Variants in GOLGB1 observed in about 807,000 individuals in gnomAD.
The protein encoded by GOLGB1 is golgin B1, also known as golgin subfamily B member 1.
A neutral mutation model predicts 336.9 loss-of-function variants in GOLGB1; 174 were observed. The ratio of observed to expected loss-of-function variants is 0.52; its 90% CI spans 0.46 to 0.59. The LOEUF is 0.59. GOLGB1 is among the 20% of genes least tolerant of loss of function. The probability of loss-of-function intolerance (pLI) is 0.00; values close to 1 mark genes in which losing one functional copy is unlikely to be tolerated. For synonymous variants in GOLGB1, 1,208 were observed against 1,289.2 expected (o/e 0.94, Z 1.35); for missense variants, 3,331 against 3,645.3 (o/e 0.91, Z 2.22).
Position 121,668,076 on chromosome 3 carries a change from C to T in GOLGB1, c.9404G>A (p.Arg3135Lys), listed in dbSNP as rs765160103. 6.3e-7 allele frequency: 1 copy of T among 1,597,382 alleles called. No homozygotes were observed. Among genetic ancestry groups the T allele is most frequent in the Non-Finnish European group, 8.6e-7 (1 of 1,168,702 alleles). Residue 3135 changes from arginine (R) to lysine (K), a missense_variant, in exon 19 of 22, where the codon AGG (arginine) becomes AAG (lysine). Coordinates refer to ENST00000614479, the MANE Select transcript of GOLGB1 (RefSeq NM_001366282.2). ...ACTCCCCTACCTTTGCTGCGGTTCC[C>T]TTAGTTCCTCAGGGTCACTCTTTCT... ...VHRKSDPEEL[R>K]EPQQSFSEAQ...
chr3:121,690,103 C>T (rs1942271047), intron 14 of GOLGB1, among the ~76,000 whole-genome samples: 2 of 152,206 alleles, frequency 1.3e-5, no homozygotes, highest in African/African-American at 4.8e-5. Flanking sequence ...ATGGTTCAGC[C>T]TGCAAATAAA....
chr3:121,693,935 A>G lies in GOLGB1; in HGVS notation c.6588T>C (p.Thr2196=), dbSNP rs748658451. The G allele has an allele frequency of 1.7e-5, 28 of 1,613,872 alleles. No individual in the cohort carries two copies. Among genetic ancestry groups the G allele is most frequent in the African/African-American group, 2.7e-5 (2 of 74,926 alleles). Residue 2196 remains threonine, a synonymous_variant, in exon 13 of 22, where the codon ACT becomes ACC. Transcript: ENST00000614479. ...DSTVTQLAAF[T]KSMSSLQDDR... ...CATCCTGGAGGGAAGACATGCTCTT[A>G]GTAAAGGCTGCAAGCTGGGTCACAG...
In GOLGB1 at chr3:121,712,125, T is replaced by G. The variant is rs148321402; in HGVS notation, c.1404+2736A>C. 6.0e-3 allele frequency among the ~76,000 whole-genome samples: 917 copies of G among 152,256 alleles called. 6 individuals carry two copies. The highest frequency in any genetic ancestry group is 0.01 in the Non-Finnish European group (699 of 68,002). ...ACTGGCATAGGGACTGACAGATAGA[T>G]CAATATAACAGAACAGAAAATTCAG... On this transcript the variant is annotated intron_variant, in intron 10 of 21. Coordinates refer to ENST00000614479, the MANE Select transcript of GOLGB1 (RefSeq NM_001366282.2).
In GOLGB1 at chr3:121,696,528, GAACT is replaced by G; in HGVS notation, c.3991_3994del (p.Ser1331LeufsTer20). The stretch of plus-strand genomic sequence containing the variant: ...TTTTTTAGTAAGCTCACTTGTTGTA[GAACT>G]AACTTTCAATTCTAACTCTACTTTC... On this transcript the variant is annotated frameshift_variant, in exon 13 of 22. Transcript: ENST00000614479. LOFTEE classifies it high-confidence loss of function. 3 of 1,614,108 alleles carry G rather than the reference GAACT, an allele frequency of 1.9e-6. No homozygotes were observed. The highest frequency in any genetic ancestry group is 1.6e-4 in the Middle Eastern group (1 of 6,062).
chr3:121,740,831 T>G (rs2108389368), intron 1 of GOLGB1, among the ~76,000 whole-genome samples: 1 of 152,196 alleles, frequency 6.6e-6, no homozygotes, highest in South Asian at 2.1e-4. Flanking sequence ...AATATTTATT[T>G]GAAAATTTTT....
rs746649684 is a variant in GOLGB1 at position 121,683,053 on chromosome 3, A to ATTTTT, written c.8695-1193_8695-1189dup. 4.7e-4 allele frequency among the ~76,000 whole-genome samples: 39 copies of ATTTTT among 82,496 alleles called. 5 individuals are homozygous for ATTTTT. Among genetic ancestry groups the ATTTTT allele is most frequent in the African/African-American group, 8.9e-4 (19 of 21,338 alleles). The allele number at this position is 82,496 out of a possible 152,430, so 54.1% of individuals were successfully genotyped here. On this transcript the variant is annotated intron_variant, in intron 14 of 21. Coordinates refer to ENST00000614479, the MANE Select transcript of GOLGB1 (RefSeq NM_001366282.2). ...GCTGCTTAAGAAGCAATTTCTTTTA[A>ATTTTT]TTTTTTTTTTTTTTTTTTTTTTTTT...
In GOLGB1 at chr3:121,727,021, C is replaced by T; in HGVS notation, c.423G>A (p.Glu141=). ...TTATCTTTTCTATTTCCATCTCTTC[C>T]TCTGTAGAACTCTTGTCATGCTGAA... ...QLSKHDKSST[E]EEMEIEKIKH... is the part of the protein sequence containing the mutation. The change falls in exon 5 of 22, where the codon GAG becomes GAA. Residue 141 remains glutamate (E), a synonymous_variant. Transcript: ENST00000614479. 2 of 1,577,818 alleles carry T rather than the reference C, an allele frequency of 1.3e-6. No individual in the cohort carries two copies. The highest frequency in any genetic ancestry group is 1.7e-6 in the Non-Finnish European group (2 of 1,154,142).
chr3:121,691,793 A>T lies in GOLGB1; in HGVS notation c.7571T>A (p.Met2524Lys), dbSNP rs147623356. ...KEEIRGLRSH[M>K]DDLNSENAKL... Reference sequence around the variant, plus strand: ...GGCATTCTCAGAATTGAGATCATCCATATGACTTCTCAAGCCTCGTATTTC... The same window carrying T: ...GGCATTCTCAGAATTGAGATCATCCTTATGACTTCTCAAGCCTCGTATTTC... Residue 2524 changes from methionine to lysine, a missense_variant, in exon 14 of 22, where the codon ATG becomes AAG. Coordinates refer to ENST00000614479, the MANE Select transcript of GOLGB1 (RefSeq NM_001366282.2). 3 of 1,613,840 alleles carry T rather than the reference A, an allele frequency of 1.9e-6. No homozygotes were observed. The highest frequency in any genetic ancestry group is 2.7e-5 in the African/African-American group (2 of 74,932).
rs1291812492 is a variant in GOLGB1, at chr3:121,696,659, G to A, written c.3864C>T (p.Asn1288=). 7.4e-6 allele frequency: 12 copies of A among 1,614,160 alleles called. No homozygotes were observed. The highest frequency in any genetic ancestry group is 1.0e-5 in the Non-Finnish European group (12 of 1,180,026). ...AATGAGAAGGCCAGTCTGGGCACAA[G>A]TTGGACTCTAAAACAGGTTGAGTGT... ...QHHTQPVLES[N]LCPDWPSHSE... The change falls in exon 13 of 22, where the codon AAC becomes AAT. Residue 1288 remains asparagine, a synonymous_variant. Transcript: ENST00000614479.
In GOLGB1 at chr3:121,694,230, C is replaced by T. The variant is rs1166428630; in HGVS notation, c.6293G>A (p.Arg2098Lys). The change falls in exon 13 of 22, where the codon AGG (arginine) becomes AAG (lysine). Residue 2098 changes from arginine (R) to lysine (K), a missense_variant. Physicochemically the swap from Arg to Lys is conservative, Grantham distance 26. Coordinates refer to ENST00000614479, the MANE Select transcript of GOLGB1 (RefSeq NM_001366282.2). ...CAACTTGAGATTGTCTGCTAGGACC[C>T]TTGCTGCTTCACTTTGAGTGTCATC... ...LLDDTQSEAA[R>K]VLADNLKLKK... The T allele has an allele frequency of 1.2e-6, 2 of 1,611,144 alleles. No homozygotes were observed. Among genetic ancestry groups the T allele is most frequent in the Non-Finnish European group, 1.7e-6 (2 of 1,180,006 alleles).
At chr3:121,732,241 TA>T (rs536549400) in intron 1 of GOLGB1, among the ~76,000 whole-genome samples, 15 of 152,052 alleles carry the variant, frequency 9.9e-5, no homozygotes, top group Non-Finnish European at 1.8e-4. Flanking sequence ...AAAAACCTTC[TA>T]AAAAAAGAAA....
chr3:121,664,786 C>G, intron 21 of GOLGB1, 140 bp downstream of exon 21: 1 of 763,720 alleles, frequency 1.3e-6, no homozygotes, highest in Non-Finnish European at 2.2e-6. Context: ...AGGTTCTAAT[C>G]TTCCACGCCC....
chr3:121,665,128 A>G, intron 20 of GOLGB1, 97 bp from the exon 21 acceptor site: 1 of 701,236 alleles, frequency 1.4e-6, no homozygotes, highest in Non-Finnish European at 2.5e-6. Context: ...AATGCAGCAC[A>G]GGAGGAGACT....
chr3:121,733,961 A>AT (rs1946299053), intron 1 of GOLGB1, among the ~76,000 whole-genome samples: 1 of 152,212 alleles, frequency 6.6e-6, no homozygotes, highest in Non-Finnish European at 1.5e-5. Context: ...ATAGGAGAAC[A>AT]TTTTTGTGAC....
chr3:121,666,429 T>C (rs1202742123), intron 20 of GOLGB1, among the ~76,000 whole-genome samples: 1 of 152,016 alleles, frequency 6.6e-6, no homozygotes, highest in Non-Finnish European at 1.5e-5. Flanking sequence ...GTCTAAACAA[T>C]TCAATAGCAA....
intron 8 of GOLGB1, 80 bp from the exon 9 acceptor site, chr3:121,717,219 A>G (rs1944854844): frequency 3.6e-6 from 4 of 1,116,804 alleles, no homozygotes; most frequent in Admixed American, 5.2e-5. Flanking sequence ...TTTTTCTTAT[A>G]GGATGGAAAA....
chr3:121,702,458 T>C, intron 11 of GOLGB1, 23 bp downstream of exon 11: 1 of 1,078,960 alleles, frequency 9.3e-7, no homozygotes, highest in South Asian at 2.0e-5. Context: ...AGACAGAGAA[T>C]TATGGTTTTC....
At chr3:121,714,747 A>G in intron 10 of GOLGB1, 114 bp downstream of exon 10, 1 of 723,192 alleles carries the variant, frequency 1.4e-6, no homozygotes, top group South Asian at 1.6e-5. Context: ...TTTTTCAGGC[A>G]GAAAAAACAG....
chr3:121,718,536 C>A (rs945867427), intron 7 of GOLGB1, 35 bp from the exon 8 acceptor site: 3 of 1,272,534 alleles, frequency 2.4e-6, no homozygotes, highest in Non-Finnish European at 3.4e-6. Flanking sequence ...AATATGCTAA[C>A]AAATGAGTGC....
Sources: gnomAD v4.1 joint callset for allele counts (sites outside exome capture counted in the v4.1 genomes callset) on GRCh38, gnomAD v4.1.1 for gene constraint, MANE v1.5 for transcripts, NCBI Gene and HGNC (gene_info 2026-07-23, HGNC 2026-07-21) for gene names.